The following KCTD8 variants were observed in gnomAD, a reference collection of about 807,000 sequenced individuals.
KCTD8 encodes the protein potassium channel tetramerization domain containing 8.
A neutral mutation model predicts 31.5 loss-of-function variants in KCTD8; 27 were observed. The observed-to-expected ratio is 0.86, with a 90% CI of 0.63 to 1.18. The LOEUF (loss-of-function observed/expected upper bound fraction) is 1.18. Among genes scored for constraint, KCTD8 ranks in the 50% most tolerant of loss-of-function variants. The probability of loss-of-function intolerance (pLI) is 0.00; values close to 1 mark genes in which losing one functional copy is unlikely to be tolerated. For missense variants in KCTD8, 658 were observed against 647.7 expected (o/e 1.02, Z -0.17); for synonymous variants, 290 against 280.0 (o/e 1.04, Z -0.36).
intron 1 of KCTD8, among the ~76,000 whole-genome samples, chr4:44,426,210 C>T (rs991519757): frequency 1.3e-5 from 2 of 151,250 alleles, no homozygotes; most frequent in East Asian, 2.0e-4. Context: ...AGAAAAAAAT[C>T]GAGCCAATCA....
chr4:44,293,573 A>G lies in KCTD8; in HGVS notation c.962-118323T>C, dbSNP rs549905804. On this transcript the variant is annotated intron_variant, in intron 1 of 1. Coordinates refer to ENST00000360029, the MANE Select transcript of KCTD8 (RefSeq NM_198353.3). ...TTTATATAAGAAAAGGTCAGGGAAA[A>G]GCAAATTATATTTATTATTTTAGAT... 1.2e-4 allele frequency: 44 copies of G among 372,332 alleles called. 1 individual carries two copies. Among genetic ancestry groups the G allele is most frequent in the South Asian group, 8.9e-4 (43 of 48,386 alleles). The allele number at this position is 372,332 out of a possible 1,614,324, so 23.1% of individuals were successfully genotyped here.
intron 1 of KCTD8, among the ~76,000 whole-genome samples, chr4:44,445,255 G>A (rs1243626724): frequency 6.6e-6 from 1 of 152,038 alleles, no homozygotes; most frequent in Non-Finnish European, 1.5e-5. Context: ...TAGTACTCAA[G>A]ACAAATTTTA....
intron 1 of KCTD8, among the ~76,000 whole-genome samples, chr4:44,351,390 TA>T (rs1197282532): frequency 6.6e-6 from 1 of 152,156 alleles, no homozygotes; most frequent in Non-Finnish European, 1.5e-5. Flanking sequence ...TTTTGTGCAT[TA>T]AAAGTACCCA....
intron 1 of KCTD8, among the ~76,000 whole-genome samples, chr4:44,355,415 C>T (rs1719317621): frequency 6.6e-6 from 1 of 152,080 alleles, no homozygotes; most frequent in Admixed American, 6.6e-5. Context: ...GTCTTTTCCT[C>T]ATTAAGAACT....
At chr4:44,190,739 A>G (rs1376775819) in intron 1 of KCTD8, among the ~76,000 whole-genome samples, 2 of 152,204 alleles carry the variant, frequency 1.3e-5, no homozygotes, top group African/African-American at 4.8e-5. Flanking sequence ...AAGTCCCCCA[A>G]TCCCAACTAC....
At chr4:44,217,091 G>C (rs1219587557) in intron 1 of KCTD8, among the ~76,000 whole-genome samples, 2 of 152,066 alleles carry the variant, frequency 1.3e-5, no homozygotes, top group East Asian at 3.9e-4. Context: ...AGTCAAGCTG[G>C]AATCAAGGGT....
chr4:44,318,613 T>C (rs537381256), intron 1 of KCTD8, among the ~76,000 whole-genome samples: 3 of 152,176 alleles, frequency 2.0e-5, no homozygotes, highest in African/African-American at 7.2e-5. Context: ...ACCTTGGAGA[T>C]AGGTTAACTG....
At chr4:44,350,878 T>C (rs966578564) in intron 1 of KCTD8, among the ~76,000 whole-genome samples, 3 of 152,162 alleles carry the variant, frequency 2.0e-5, no homozygotes, top group East Asian at 1.9e-4. Context: ...TCTCCTCCTA[T>C]GTTCCTGTGC....
At chr4:44,343,012 G>A (rs1718944853) in intron 1 of KCTD8, among the ~76,000 whole-genome samples, 1 of 152,192 alleles carries the variant, frequency 6.6e-6, no homozygotes, top group Admixed American at 6.5e-5. Flanking sequence ...TATCAGCAAT[G>A]TCTGTTTCAC....
chr4:44,435,993 A>G (rs1721634152), intron 1 of KCTD8, among the ~76,000 whole-genome samples: 1 of 152,134 alleles, frequency 6.6e-6, no homozygotes, highest in Non-Finnish European at 1.5e-5. Flanking sequence ...CACAAATTAG[A>G]AAACCACAGT....
At chr4:44,378,262 CATGT>C (rs926901797) in intron 1 of KCTD8, among the ~76,000 whole-genome samples, 17 of 121,286 alleles carry the variant, frequency 1.4e-4, no homozygotes, top group Non-Finnish European at 2.7e-4. Context: ...TATATATCTC[CATGT>C]ATGTGTATTA....
rs570781564 is a variant in KCTD8, at chr4:44,355,093, A to C, written c.961+92470T>G. 4.2e-4 allele frequency among the ~76,000 whole-genome samples: 64 copies of C among 152,282 alleles called. 1 individual carries two copies. Among genetic ancestry groups the C allele is most frequent in the African/African-American group, 1.5e-3 (63 of 41,576 alleles). On this transcript the variant is annotated intron_variant, in intron 1 of 1. Transcript: ENST00000360029. The stretch of plus-strand genomic sequence containing the variant: ...AAGTAGAAAACCTTATGAATATTTG[A>C]ATTAATTGAGAAGAATTCAGTACTG...
intron 1 of KCTD8, among the ~76,000 whole-genome samples, chr4:44,326,525 C>G (rs1277381981): frequency 6.6e-6 from 1 of 151,772 alleles, no homozygotes; most frequent in Non-Finnish European, 1.5e-5. Flanking sequence ...AAGATAATCA[C>G]CTCTACTATC....
At chr4:44,298,926 T>C (rs751092612) in intron 1 of KCTD8, among the ~76,000 whole-genome samples, 14 of 152,126 alleles carry the variant, frequency 9.2e-5, no homozygotes, top group Non-Finnish European at 1.5e-4. Context: ...TCTACAAAGA[T>C]GAAAGTAAGA....
intron 1 of KCTD8, among the ~76,000 whole-genome samples, chr4:44,238,512 A>G (rs1458553607): frequency 6.6e-6 from 1 of 152,232 alleles, no homozygotes; most frequent in Non-Finnish European, 1.5e-5. Flanking sequence ...GAATCAATGA[A>G]TAAAAGAATC....
At chr4:44,362,099 G>T (rs370821947) in intron 1 of KCTD8, among the ~76,000 whole-genome samples, 1 of 152,078 alleles carries the variant, frequency 6.6e-6, no homozygotes, top group Admixed American at 6.6e-5. Context: ...CCAGGCAGCA[G>T]AAATATAAAT....
intron 1 of KCTD8, among the ~76,000 whole-genome samples, chr4:44,204,394 C>T (rs1714241949): frequency 2.0e-5 from 3 of 152,160 alleles, no homozygotes; most frequent in East Asian, 1.9e-4. Context: ...CTGATCTAAT[C>T]GGTTATGTTA....
chr4:44,196,958 C>A (rs1326467347), intron 1 of KCTD8, among the ~76,000 whole-genome samples: 1 of 152,210 alleles, frequency 6.6e-6, no homozygotes, highest in African/African-American at 2.4e-5. Context: ...CCTTGCCAGA[C>A]AAGACTCCAC....
chr4:44,194,055 AC>A (rs1243179018), intron 1 of KCTD8, among the ~76,000 whole-genome samples: 3 of 152,178 alleles, frequency 2.0e-5, no homozygotes, highest in Non-Finnish European at 2.9e-5. Flanking sequence ...AGAACCCATG[AC>A]TTGTCAGGTA....
Sources: gnomAD v4.1 joint callset for allele counts (sites outside exome capture counted in the v4.1 genomes callset) on GRCh38, gnomAD v4.1.1 for gene constraint, MANE v1.5 for transcripts, NCBI Gene and HGNC (gene_info 2026-07-23, HGNC 2026-07-21) for gene names.